Variants in TESMIN observed in about 807,000 individuals in gnomAD.
TESMIN encodes the protein testis expressed metallothionein like protein.
TESMIN carries 34 observed loss-of-function variants against 47.4 expected under a neutral mutation model. The observed-to-expected ratio is 0.72, with a 90% CI of 0.55 to 0.96. The LOEUF (loss-of-function observed/expected upper bound fraction) is 0.96. TESMIN is among the 40% of genes least tolerant of loss of function. The pLI is 0.00. For missense variants in TESMIN, 610 were observed against 637.2 expected, an observed-to-expected ratio of 0.96 and a Z score of 0.46; for synonymous variants, 278 against 258.9, an observed-to-expected ratio of 1.07 and a Z score of -0.71.
At chr11:68,715,517 A>T (rs3802748) in intron 7 of TESMIN, among the ~76,000 whole-genome samples, 93,094 of 152,138 alleles carry the variant, frequency 0.61, 29,701 homozygotes, top group East Asian at 0.78. Flanking sequence ...CTTATCTGCT[A>T]TGTAAGATGA....
chr11:68,716,282 G>A (rs1209308491), intron 6 of TESMIN, among the ~76,000 whole-genome samples: 2 of 152,194 alleles, frequency 1.3e-5, no homozygotes, highest in Non-Finnish European at 2.9e-5. Context: ...AAGTTTGGTG[G>A]GCAGAAACAT....
chr11:68,738,584 A>G, intron 6 of TESMIN, 116 bp downstream of exon 6: 1 of 1,508,108 alleles, frequency 6.6e-7, no homozygotes, highest in Non-Finnish European at 8.9e-7. Context: ...ATTTCTCAGA[A>G]GTCATGAAGG....
chr11:68,742,849 G>A (rs922568741), intron 4 of TESMIN, among the ~76,000 whole-genome samples: 7 of 152,042 alleles, frequency 4.6e-5, no homozygotes, highest in African/African-American at 9.7e-5. Flanking sequence ...ACCCAGCTTC[G>A]CTGGATATTT....
intron 4 of TESMIN, among the ~76,000 whole-genome samples, chr11:68,743,028 C>G (rs1227037431): frequency 6.6e-6 from 1 of 152,036 alleles, no homozygotes; most frequent in Non-Finnish European, 1.5e-5. Context: ...CAGGCCTGTG[C>G]CACCATGCCT....
At chr11:68,736,388 C>T in intron 6 of TESMIN, 6 of 985,466 alleles carry the variant, frequency 6.1e-6, no homozygotes, top group Non-Finnish European at 7.2e-6. Flanking sequence ...CCAGCCTAAG[C>T]TGAACTGCTT....
At chr11:68,711,298 GTA>G (rs1946066128) in intron 8 of TESMIN, among the ~76,000 whole-genome samples, 3 of 101,480 alleles carry the variant, frequency 3.0e-5, no homozygotes, top group South Asian at 3.6e-4. Flanking sequence ...TGTTGAGCGT[GTA>G]TATGAGTGTG....
At chr11:68,741,316 C>A (rs772402804) in intron 5 of TESMIN, among the ~76,000 whole-genome samples, 3 of 152,182 alleles carry the variant, frequency 2.0e-5, no homozygotes, top group Non-Finnish European at 4.4e-5. Context: ...ATCCAAGGCC[C>A]GCCTGGGATG....
At chr11:68,751,243 A>G (rs1388011565) in intron 1 of TESMIN, among the ~76,000 whole-genome samples, 177 bp downstream of exon 1, 1 of 39,330 alleles carries the variant, frequency 2.5e-5, no homozygotes, top group Non-Finnish European at 4.9e-5. Flanking sequence ...GGTGAGGAGC[A>G]GCCAGGGGAG....
downstream of TESMIN, among the ~76,000 whole-genome samples, chr11:68,707,191 A>G (rs569967540): frequency 1.2e-4 from 18 of 152,210 alleles, no homozygotes; most frequent in Admixed American, 2.0e-4. Context: ...GTTTGCAACT[A>G]GACTGTTCCA....
At chr11:68,707,019 A>G (rs1946005326), downstream of TESMIN, among the ~76,000 whole-genome samples, 1 of 152,248 alleles carries the variant, frequency 6.6e-6, no homozygotes, top group Non-Finnish European at 1.5e-5. Flanking sequence ...GAAAGCACAC[A>G]CAGCAAGTGG....
chr11:68,731,792 T>C (rs1224582061), intron 6 of TESMIN, among the ~76,000 whole-genome samples: 1 of 152,234 alleles, frequency 6.6e-6, no homozygotes, highest in Non-Finnish European at 1.5e-5. Context: ...CAGACCTCAC[T>C]GCTTGGGTGA....
At chr11:68,731,991 G>T (rs2153991799) in intron 6 of TESMIN, among the ~76,000 whole-genome samples, 1 of 152,302 alleles carries the variant, frequency 6.6e-6, no homozygotes, top group South Asian at 2.1e-4. Flanking sequence ...GTCTCTCCAA[G>T]GCCTCTCATT....
In TESMIN at chr11:68,742,371, A is replaced by G; in HGVS notation, c.775T>C (p.Leu259=). The change falls in exon 5 of 10, where the codon TTA becomes CTA. Residue 259 remains leucine (L), a synonymous_variant. Coordinates refer to ENST00000255087, the MANE Select transcript of TESMIN (RefSeq NM_004923.3). ...QSDVPKPMTA[L]VGRFLPASTK... ...GATGCTGGCAAAAATCTCCCTACTAAAGCAGTCATTGGTTTAGGGACATCT... is the reference window on the plus strand; with the variant it reads ...GATGCTGGCAAAAATCTCCCTACTAGAGCAGTCATTGGTTTAGGGACATCT... The G allele has an allele frequency of 6.2e-7, 1 of 1,600,766 alleles. No homozygotes were observed. Among genetic ancestry groups the G allele is most frequent in the Non-Finnish European group, 8.5e-7 (1 of 1,170,234 alleles).
chr11:68,715,784 T>C (rs1327197024), intron 7 of TESMIN, 53 bp downstream of exon 7: 62 of 1,313,448 alleles, frequency 4.7e-5, no homozygotes, highest in Non-Finnish European at 6.6e-5. Context: ...TATGAACATC[T>C]CAAACAGTTT....
intron 3 of TESMIN, among the ~76,000 whole-genome samples, chr11:68,746,391 A>T (rs974781360): frequency 2.0e-5 from 3 of 152,200 alleles, no homozygotes; most frequent in African/African-American, 7.2e-5. Flanking sequence ...CACAGCCCCA[A>T]ATAGAACCAC....
At position 68,715,828 on chromosome 11, in the gene TESMIN, A is replaced by C; in HGVS notation, c.1020+9T>G. The C allele has an allele frequency of 6.5e-7, 1 of 1,546,514 alleles. No individual in the cohort carries two copies. The highest frequency in any genetic ancestry group is 8.9e-7 in the Non-Finnish European group (1 of 1,119,532). ...TTTAAAATGCATACATTTAATGGAC[A>C]TTTATTACCTTAATGGCTTTAAACC... On this transcript the variant is annotated intron_variant, in intron 7 of 9. Transcript: ENST00000255087.
chr11:68,750,691 G>A lies in TESMIN; in HGVS notation c.-31C>T, dbSNP rs1235379414. 1 of 1,430,676 alleles carries A rather than the reference G, an allele frequency of 7.0e-7. No individual in the cohort carries two copies. The highest frequency in any genetic ancestry group is 9.2e-7 in the Non-Finnish European group (1 of 1,084,946). The allele number at this position is 1,430,676 out of a possible 1,614,324, so 88.6% of individuals were successfully genotyped here. A position where few individuals can be genotyped will look rare whatever the true frequency, so the allele number is the denominator to read the frequency against. ...AGGGCGGCGGGGCGGGATGGCGGGGGCCGCGCACCTGCAACACGCGGCCAG... is the reference window on the plus strand; with the variant it reads ...AGGGCGGCGGGGCGGGATGGCGGGGACCGCGCACCTGCAACACGCGGCCAG... On this transcript the variant is annotated 5_prime_UTR_variant, in exon 2 of 10. Transcript: ENST00000255087.
intron 2 of TESMIN, 56 bp from the exon 3 acceptor site, chr11:68,747,422 G>A (rs1034901914): frequency 6.1e-5 from 89 of 1,466,570 alleles, no homozygotes; most frequent in Admixed American, 6.9e-5. Flanking sequence ...GGCTCTTGCA[G>A]TTGCATAATT....
downstream of TESMIN, among the ~76,000 whole-genome samples, chr11:68,705,606 G>T (rs531220397): frequency 3.9e-5 from 6 of 152,146 alleles, no homozygotes; most frequent in Admixed American, 1.3e-4. Context: ...TTTCTTCTCC[G>T]TGTCTATGAA....
Sources: allele counts gnomAD v4.1 joint callset (sites outside exome capture counted in the v4.1 genomes callset), GRCh38; gene constraint gnomAD v4.1.1; transcripts MANE v1.5; gene names NCBI Gene and HGNC (gene_info 2026-07-23, HGNC 2026-07-21).